Variants in FUT8 observed in about 807,000 individuals in gnomAD.
The protein encoded by FUT8 is fucosyltransferase 8, also known as alpha-(1,6)-fucosyltransferase.
In FUT8, 29 loss-of-function variants were observed where a neutral mutation model predicts 71.3. The observed-to-expected ratio is 0.41, with a 90% CI of 0.30 to 0.55. The LOEUF is 0.55. Among genes scored for constraint, FUT8 ranks in the 20% least tolerant of loss-of-function variants. The probability of loss-of-function intolerance (pLI) is 0.34; values close to 1 mark genes in which losing one functional copy is unlikely to be tolerated. For missense variants in FUT8, 544 were observed against 702.1 expected (o/e 0.77, Z 2.55); for synonymous variants, 254 against 239.3 (o/e 1.06, Z -0.57).
chr14:65,388,532 C>T, the FUT8 span, among the ~76,000 whole-genome samples: 148 of 152,094 alleles, frequency 9.7e-4, no homozygotes, highest in Non-Finnish European at 1.4e-3. Flanking sequence ...CAGGCCAAGG[C>T]GGGCAGATTG....
chr14:65,441,476 T>C (rs533536700), intron 1 of FUT8, among the ~76,000 whole-genome samples: 2 of 152,244 alleles, frequency 1.3e-5, no homozygotes, highest in Admixed American at 6.5e-5. Flanking sequence ...CATGGTAGTT[T>C]ACACCTTTAA....
chr14:65,568,151 G>A (rs761071901), intron 3 of FUT8, among the ~76,000 whole-genome samples: 26 of 151,600 alleles, frequency 1.7e-4, no homozygotes, highest in South Asian at 4.2e-4. Context: ...TTGGTGAGAC[G>A]TGTTTTTCAA....
At chr14:65,733,627 T>C (rs1334027149) in intron 10 of FUT8, among the ~76,000 whole-genome samples, 3 of 152,216 alleles carry the variant, frequency 2.0e-5, no homozygotes, top group Admixed American at 6.5e-5. Flanking sequence ...AGCCAGTTAC[T>C]GGAGTTGTTT....
chr14:65,430,351 G>A (rs1342176236), intron 1 of FUT8: 1 of 151,960 alleles, frequency 6.6e-6, no homozygotes, highest in Non-Finnish European at 1.5e-5. Context: ...TTGAAAATGT[G>A]TTATGCCATA....
rs746676367 is a variant in FUT8, at chr14:65,742,237, G to A, written c.1555G>A (p.Asp519Asn). The A allele has an allele frequency of 4.3e-5, 69 of 1,613,016 alleles. No homozygotes were observed. The highest frequency in any genetic ancestry group is 2.4e-4 in the African/African-American group (18 of 74,836). ...AIYAHQPRTA[D>N]EIPMEPGDII... Reference sequence around the variant, plus strand: ...TTATGCTCACCAACCCCGAACTGCAGATGAAATTCCCATGGAACCTGGAGA... The same window carrying A: ...TTATGCTCACCAACCCCGAACTGCAAATGAAATTCCCATGGAACCTGGAGA... The change falls in exon 11 of 11, where the codon GAT becomes AAT. Residue 519 changes from aspartate to asparagine, a missense_variant. Transcript: ENST00000673929.
upstream of FUT8, chr14:65,412,132 G>T (rs969056730): frequency 2.2e-6 from 1 of 456,710 alleles, no homozygotes; most frequent in Non-Finnish European, 4.4e-6. Flanking sequence ...GCCCTCGTGG[G>T]GGGGGTCTTT....
At chr14:65,619,579 C>G (rs761454906) in intron 5 of FUT8, among the ~76,000 whole-genome samples, 2 of 152,164 alleles carry the variant, frequency 1.3e-5, no homozygotes, top group African/African-American at 2.4e-5. Flanking sequence ...TCTCTGCCTG[C>G]AACCACAGTT....
chr14:65,462,467 C>G (rs979683712), intron 2 of FUT8, among the ~76,000 whole-genome samples: 1 of 152,160 alleles, frequency 6.6e-6, no homozygotes, highest in Non-Finnish European at 1.5e-5. Flanking sequence ...TCCCCTTCCC[C>G]CTTCATTGCC....
At chr14:65,376,843 C>T in the FUT8 span, among the ~76,000 whole-genome samples, 1 of 152,162 alleles carries the variant, frequency 6.6e-6, no homozygotes, top group East Asian at 1.9e-4. Context: ...GCTCTTCTGT[C>T]ACCTCTAGGT....
chr14:65,699,182 AC>A (rs1366567945), intron 7 of FUT8, among the ~76,000 whole-genome samples: 1 of 147,726 alleles, frequency 6.8e-6, no homozygotes, highest in East Asian at 2.1e-4. Context: ...ACACACACAC[AC>A]ACACACACAC....
At chr14:65,376,889 A>G in the FUT8 span, among the ~76,000 whole-genome samples, 1 of 152,292 alleles carries the variant, frequency 6.6e-6, no homozygotes, top group East Asian at 1.9e-4. Flanking sequence ...GTTCCTATGA[A>G]GAGTTTCACG....
In FUT8 at chr14:65,446,102, C is replaced by CGT. The variant is rs1356033059; in HGVS notation, c.-325-9518_-325-9517dup. On this transcript the variant is annotated intron_variant, in intron 1 of 10. Coordinates refer to ENST00000673929, the MANE Select transcript of FUT8 (RefSeq NM_001371533.1). ...TATATCCTTAGACACTGTAATACTA[C>CGT]GTATATATGTATATTTTGAATTTGA... is the stretch of plus-strand genomic sequence containing the variant. 2.0e-5 allele frequency among the ~76,000 whole-genome samples: 3 copies of CGT among 152,138 alleles called. No homozygotes were observed. In the East Asian group the frequency reaches 5.8e-4, roughly 29 times the overall value.
At chr14:65,613,799 G>A (rs1284770876) in intron 3 of FUT8, among the ~76,000 whole-genome samples, 3 of 151,982 alleles carry the variant, frequency 2.0e-5, no homozygotes, top group Non-Finnish European at 2.9e-5. Context: ...AAAACCTTTC[G>A]TATCAGAGTG....
chr14:65,360,132 G>C, the FUT8 span, among the ~76,000 whole-genome samples: 1 of 152,056 alleles, frequency 6.6e-6, no homozygotes, highest in Non-Finnish European at 1.5e-5. Context: ...CACCTGGCCA[G>C]GCACACTCAT....
intron 2 of FUT8, among the ~76,000 whole-genome samples, chr14:65,541,252 A>G (rs560415116): frequency 1.4e-4 from 22 of 152,228 alleles, no homozygotes; most frequent in Non-Finnish European, 2.6e-4. Flanking sequence ...GGTTGTCTAG[A>G]GAAACAGTAC....
intron 1 of FUT8, among the ~76,000 whole-genome samples, chr14:65,442,352 T>C (rs1446261261): frequency 2.0e-5 from 3 of 151,756 alleles, no homozygotes; most frequent in African/African-American, 7.3e-5. Context: ...ATTTTTGTAT[T>C]TTGTATTTTT....
intron 2 of FUT8, among the ~76,000 whole-genome samples, chr14:65,553,369 G>T (rs1292495672): frequency 6.6e-6 from 1 of 151,882 alleles, no homozygotes; most frequent in Non-Finnish European, 1.5e-5. Context: ...TCTGTCATAT[G>T]TTTTACATCT....
At chr14:65,522,219 T>C (rs1883127623) in intron 2 of FUT8, among the ~76,000 whole-genome samples, 1 of 152,200 alleles carries the variant, frequency 6.6e-6, no homozygotes, top group Non-Finnish European at 1.5e-5. Context: ...TGTGATTTTC[T>C]CCCTCTCCCG....
In FUT8 at chr14:65,660,621, T is replaced by C. The variant is rs1662218098; in HGVS notation, c.598-8622T>C. The stretch of plus-strand genomic sequence containing the variant: ...TGGGCCTGAGCTATTGTGTTGTCCT[T>C]ACTACTTGGTACAGATTAGATTGTT... On this transcript the variant is annotated intron_variant, in intron 6 of 10. Transcript: ENST00000673929. The surrounding 1 kb of genome is among the most constrained non-coding windows in gnomAD (Gnocchi z 4.1). 6.6e-6 allele frequency among the ~76,000 whole-genome samples: 1 copy of C among 152,168 alleles called. No homozygotes were observed. Among genetic ancestry groups the C allele is most frequent in the African/African-American group, 2.4e-5 (1 of 41,452 alleles).
Sources: gnomAD v4.1 joint callset for allele counts (sites outside exome capture counted in the v4.1 genomes callset) on GRCh38, gnomAD v4.1.1 for gene constraint, Gnocchi (gnomAD v3.1) non-coding constraint, MANE v1.5 for transcripts, NCBI Gene and HGNC (gene_info 2026-07-23, HGNC 2026-07-21) for gene names.